Variants in ANO3 observed in about 807,000 individuals in gnomAD.
The protein encoded by ANO3 is anoctamin 3.
A neutral mutation model predicts 144.8 loss-of-function variants in ANO3; 99 were observed. The ratio of observed to expected loss-of-function variants is 0.68; its 90% CI spans 0.58 to 0.81. ANO3 has a LOEUF of 0.81. ANO3 is among the 30% of genes least tolerant of loss of function. ANO3 has a pLI of 0.00. For synonymous variants in ANO3, 414 were observed against 392.6 expected, an observed-to-expected ratio of 1.05 and a Z score of -0.64; for missense variants, 905 against 1,202.2, an observed-to-expected ratio of 0.75 and a Z score of 3.66.
chr11:26,359,824 T>G (rs181092885), intron 1 of ANO3, among the ~76,000 whole-genome samples: 1 of 152,082 alleles, frequency 6.6e-6, no homozygotes, highest in Non-Finnish European at 1.5e-5. Flanking sequence ...GATGGGAAGG[T>G]ATATCTAGTT....
intron 17 of ANO3, among the ~76,000 whole-genome samples, chr11:26,610,012 A>T (rs902140262): frequency 6.6e-6 from 1 of 152,220 alleles, no homozygotes. Flanking sequence ...CCTGGGTTCA[A>T]GCGATTCTCC....
chr11:26,598,528 G>C, intron 15 of ANO3, 81 bp downstream of exon 15: 1 of 985,054 alleles, frequency 1.0e-6, no homozygotes. Context: ...ATTCCGGCTG[G>C]AAGCAGTTAA....
chr11:26,640,912 C>T (rs1458265066), intron 21 of ANO3, among the ~76,000 whole-genome samples: 3 of 152,176 alleles, frequency 2.0e-5, no homozygotes, highest in Non-Finnish European at 4.4e-5. Context: ...CCTCCAGCCC[C>T]TTTTTCACCT....
At chr11:26,504,203 C>T (rs865837384) in intron 4 of ANO3, among the ~76,000 whole-genome samples, 3 of 152,142 alleles carry the variant, frequency 2.0e-5, no homozygotes, top group South Asian at 2.1e-4. Flanking sequence ...TGTGTTTCTT[C>T]ATTTTAGCCT....
chr11:26,240,858 A>G (rs1852648837), intron 1 of ANO3, among the ~76,000 whole-genome samples: 1 of 152,154 alleles, frequency 6.6e-6, no homozygotes. Flanking sequence ...TAATATTTTT[A>G]AATTTCTATA....
In ANO3 at chr11:26,189,347, A is replaced by G. The variant is rs1157440997; in HGVS notation, c.154+17A>G. On this transcript the variant is annotated intron_variant, in intron 1 of 27. Coordinates refer to the ANO3 transcript ENST00000672621. ...TCCCGACTGGTAAGCTAACCTTTAG[A>G]TTGATATGTATGAGTATCTTAACTT... 8.1e-6 allele frequency: 8 copies of G among 982,822 alleles called. No homozygotes were observed. In the East Asian group the frequency reaches 4.5e-4, roughly 56 times the overall value. The allele number at this position is 982,822 out of a possible 1,614,324, so 60.9% of individuals were successfully genotyped here.
intron 1 of ANO3, among the ~76,000 whole-genome samples, chr11:26,406,857 G>C (rs1421107373): frequency 2.0e-5 from 3 of 149,920 alleles, no homozygotes; most frequent in Non-Finnish European, 4.4e-5. Flanking sequence ...CAAAATCAAG[G>C]CTTTATTTAA....
intron 1 of ANO3, among the ~76,000 whole-genome samples, chr11:26,380,359 C>G (rs1590310784): frequency 6.6e-6 from 1 of 152,158 alleles, no homozygotes; most frequent in Admixed American, 6.6e-5. Flanking sequence ...AAGCATGAAT[C>G]AGTGTAAATG....
intron 3 of ANO3, among the ~76,000 whole-genome samples, chr11:26,450,875 C>T (rs896461716): frequency 6.6e-6 from 1 of 152,130 alleles, no homozygotes; most frequent in East Asian, 1.9e-4. Context: ...AGAAGAATGA[C>T]TGAGCTGGAA....
chr11:26,610,059 G>A (rs886177716), intron 17 of ANO3, among the ~76,000 whole-genome samples: 7 of 152,068 alleles, frequency 4.6e-5, no homozygotes, highest in Admixed American at 1.3e-4. Context: ...TTACAGGCGT[G>A]TGCCACCGCA....
chr11:26,192,731 A>T (rs1184476265), intron 1 of ANO3, among the ~76,000 whole-genome samples: 1 of 152,156 alleles, frequency 6.6e-6, no homozygotes, highest in Non-Finnish European at 1.5e-5. Flanking sequence ...GGGGAGCAGG[A>T]CAGCCGAGAG....
chr11:26,545,916 C>T lies in ANO3; in HGVS notation c.1155-1500C>T, dbSNP rs530617203. ...TGGCACCAGCTCCTTCTTCTCCTGACACAGATCTGAAATCTACTTTTACTT... is the reference window on the plus strand; with the variant it reads ...TGGCACCAGCTCCTTCTTCTCCTGATACAGATCTGAAATCTACTTTTACTT... On this transcript the variant is annotated intron_variant, in intron 11 of 26. Transcript: ENST00000256737. Among the ~76,000 whole-genome samples the T allele has an allele frequency of 1.6e-4, 25 of 151,868 alleles. No homozygotes were observed. The South Asian group carries it at 5.2e-3, about 32-fold the overall frequency.
rs185303298 is a variant in ANO3 at position 26,396,125 on chromosome 11, G to A, written c.47-45793G>A. On this transcript the variant is annotated intron_variant, in intron 1 of 26. Transcript: ENST00000256737. ...AAAACAACCCCCTCAAAAAGTAGGC[G>A]AAGGATATGAACAGACACTTCTCAA... 3.4e-4 allele frequency among the ~76,000 whole-genome samples: 52 copies of A among 152,100 alleles called. No individual in the cohort carries two copies. In the East Asian group the frequency reaches 8.9e-3, roughly 26 times the overall value.
At chr11:26,598,295 ATC>A (rs1483521051) in intron 14 of ANO3, 68 bp from the exon 15 acceptor site, 1 of 708,490 alleles carries the variant, frequency 1.4e-6, no homozygotes, top group African/African-American at 1.9e-5. Context: ...GAGATAAGAT[ATC>A]TCAATATAAA....
chr11:26,373,134 C>T (rs1358420897), intron 1 of ANO3, among the ~76,000 whole-genome samples: 1 of 152,050 alleles, frequency 6.6e-6, no homozygotes, highest in Non-Finnish European at 1.5e-5. Context: ...GTAAATGATG[C>T]TTTTTAACAA....
intron 19 of ANO3, 41 bp from the exon 20 acceptor site, chr11:26,634,972 A>T: frequency 6.5e-7 from 1 of 1,533,112 alleles, no homozygotes; most frequent in Non-Finnish European, 9.0e-7. Context: ...TCTTCAGTGA[A>T]CCCCACTTAA....
Position 26,586,501 on chromosome 11 carries a change from A to ATTTTTTTTTTTTTT in ANO3, c.1448-11863_1448-11862insTTTTTTTTTTTTTT, listed in dbSNP as rs1281089936. ...TAAAGAAGGGGCTTCCCTGGTGAGAATCTTTTTTTTTTTTTTTTTTGAGAC... is the reference window on the plus strand; with the variant it reads ...TAAAGAAGGGGCTTCCCTGGTGAGAATTTTTTTTTTTTTTTCTTTTTTTTTTTTTTTTTTGAGAC... On this transcript the variant is annotated intron_variant, in intron 14 of 26. Coordinates refer to ENST00000256737, the MANE Select transcript of ANO3 (RefSeq NM_031418.4). Among the ~76,000 whole-genome samples the ATTTTTTTTTTTTTT allele has an allele frequency of 5.0e-4, 20 of 40,000 alleles. 1 individual carries two copies. Among genetic ancestry groups the ATTTTTTTTTTTTTT allele is most frequent in the African/African-American group, 1.3e-3 (15 of 11,170 alleles). 26.2% of individuals were successfully genotyped at this position (40,000 alleles called of 152,430 possible).
intron 13 of ANO3, among the ~76,000 whole-genome samples, chr11:26,554,595 G>T (rs1044359449): frequency 1.4e-4 from 22 of 152,134 alleles, no homozygotes; most frequent in Non-Finnish European, 4.4e-5. Context: ...GAGCCTCGGT[G>T]TGGTCAATCT....
In ANO3 at chr11:26,267,316, G is replaced by A. The variant is rs180744050; in HGVS notation, c.155-42329G>A. ...AGTATGTATGCAGAGTGTTTGTGAC[G>A]ATTCCCTAAAATCCTAAATGCTTGA... On this transcript the variant is annotated intron_variant, in intron 1 of 27. Coordinates refer to the ANO3 transcript ENST00000672621. Among the ~76,000 whole-genome samples, 256 of 152,100 alleles carry A rather than the reference G, an allele frequency of 1.7e-3. 1 individual carries two copies. Among genetic ancestry groups the A allele is most frequent in the African/African-American group, 5.9e-3 (246 of 41,494 alleles).
Sources: allele counts gnomAD v4.1 joint callset (sites outside exome capture counted in the v4.1 genomes callset), GRCh38; gene constraint gnomAD v4.1.1; transcripts MANE v1.5; gene names NCBI Gene and HGNC (gene_info 2026-07-23, HGNC 2026-07-21).